Variants in BTNL8 observed in about 807,000 individuals in gnomAD.
BTNL8 encodes butyrophilin like 8.
A neutral mutation model predicts 36.1 loss-of-function variants in BTNL8; 22 were observed. The observed-to-expected ratio is 0.61, with a 90% CI of 0.44 to 0.87. The LOEUF (loss-of-function observed/expected upper bound fraction) is 0.87, where lower values mean the gene tolerates loss of function less well. BTNL8 is among the 40% of genes least tolerant of loss of function. The pLI is 0.00. For synonymous variants in BTNL8, 203 were observed against 235.6 expected (o/e 0.86, Z 1.27); for missense variants, 526 against 616.9 (o/e 0.85, Z 1.56).
chr5:180,928,655 G>A (rs540610026), intron 3 of BTNL8, among the ~76,000 whole-genome samples: 55 of 152,236 alleles, frequency 3.6e-4, no homozygotes, highest in African/African-American at 1.1e-3. Flanking sequence ...AAAAGCAGGC[G>A]TTGCAATCCT....
rs545738418 is a variant in BTNL8, at chr5:180,900,058, G to A, written c.49+699G>A. Among the ~76,000 whole-genome samples, 11 of 152,180 alleles carry A rather than the reference G, an allele frequency of 7.2e-5. No individual in the cohort carries two copies. The South Asian group carries it at 2.3e-3, about 32-fold the overall frequency. On this transcript the variant is annotated intron_variant, in intron 1 of 7. Coordinates refer to ENST00000340184, the MANE Select transcript of BTNL8 (RefSeq NM_001040462.3). ...CCACCTGTCCACCTATATCTTTTTTGCTAAATGAAGCTAAGAAAACAGAAA... is the reference window on the plus strand; with the variant it reads ...CCACCTGTCCACCTATATCTTTTTTACTAAATGAAGCTAAGAAAACAGAAA...
At chr5:180,944,394 C>T (rs777825356) in intron 3 of BTNL8, among the ~76,000 whole-genome samples, 2 of 152,116 alleles carry the variant, frequency 1.3e-5, no homozygotes, top group Non-Finnish European at 2.9e-5. Context: ...ACAATGTATA[C>T]ATGTATCACG....
At chr5:180,926,012 A>G (rs560281212) in intron 3 of BTNL8, among the ~76,000 whole-genome samples, 14 of 151,486 alleles carry the variant, frequency 9.2e-5, no homozygotes, top group Admixed American at 6.6e-5. Context: ...ACACAAAAAA[A>G]CCACAGCAGG....
rs746524916 is a variant in BTNL8, at chr5:180,911,567, G to A, written c.626G>A (p.Arg209Gln). ...ENAGSISCSMRHAHLSREVES... is the reference protein window; with the variant it reads ...ENAGSISCSMQHAHLSREVES... The stretch of plus-strand genomic sequence containing the variant: ...GCCGGGAGCATATCCTGTTCCATGC[G>A]GCATGCTCATCTGAGCCGAGAGGTG... The change falls in exon 3 of 8, where the codon CGG becomes CAG. Residue 209 changes from arginine to glutamine, a missense_variant. Transcript: ENST00000340184. The A allele has an allele frequency of 1.2e-5, 19 of 1,613,870 alleles. No homozygotes were observed. Among genetic ancestry groups the A allele is most frequent in the Admixed American group, 1.0e-4 (6 of 59,996 alleles).
intron 3 of BTNL8, among the ~76,000 whole-genome samples, chr5:180,940,504 CAAG>C (rs1758876623): frequency 6.6e-6 from 1 of 151,182 alleles, no homozygotes; most frequent in Non-Finnish European, 1.5e-5. Context: ...ACTAGAAGGG[CAAG>C]AAGAAACAAA....
At chr5:180,927,049 C>T (rs951190238) in intron 3 of BTNL8, among the ~76,000 whole-genome samples, 5 of 152,264 alleles carry the variant, frequency 3.3e-5, no homozygotes, top group East Asian at 3.9e-4. Context: ...CAGCAGGGGT[C>T]GACAGACGCC....
intron 3 of BTNL8, among the ~76,000 whole-genome samples, chr5:180,925,992 G>A (rs1038790870): frequency 7.0e-6 from 1 of 143,828 alleles, no homozygotes; most frequent in African/African-American, 2.9e-5. Flanking sequence ...TATGCCTCAT[G>A]GTAACCACAA....
intron 1 of BTNL8, among the ~76,000 whole-genome samples, chr5:180,908,170 G>C (rs1296526747): frequency 6.6e-6 from 1 of 152,188 alleles, no homozygotes; most frequent in South Asian, 2.1e-4. Context: ...GAGACTCTGT[G>C]GTCATAGGAC....
At chr5:180,901,368 G>C (rs1756816535) in intron 1 of BTNL8, among the ~76,000 whole-genome samples, 1 of 151,966 alleles carries the variant, frequency 6.6e-6, no homozygotes, top group Admixed American at 6.6e-5. Context: ...CAGTCAAAGG[G>C]GGTGGGTACT....
At chr5:180,911,997 C>T (rs1420703570) in intron 3 of BTNL8, among the ~76,000 whole-genome samples, 5 of 152,140 alleles carry the variant, frequency 3.3e-5, no homozygotes, top group African/African-American at 4.8e-5. Context: ...GAAGATTGCC[C>T]TCCATAATGC....
chr5:180,908,925 A>G lies in BTNL8; in HGVS notation c.389A>G (p.Gln130Arg). ...SYYQKAIWELQVSALGSVPLI... is the reference protein window; with the variant it reads ...SYYQKAIWELRVSALGSVPLI... ...TACCAGAAGGCCATCTGGGAGCTAC[A>G]GGTGTCAGGTCAGTTTCATATTTCA... Residue 130 changes from glutamine to arginine, a missense_variant, in exon 2 of 8, where the codon CAG becomes CGG. By Grantham distance (43) the Gln-to-Arg change is conservative. Coordinates refer to ENST00000340184, the MANE Select transcript of BTNL8 (RefSeq NM_001040462.3). 6.2e-7 allele frequency: 1 copy of G among 1,611,994 alleles called. No individual in the cohort carries two copies. Among genetic ancestry groups the G allele is most frequent in the Non-Finnish European group, 8.5e-7 (1 of 1,178,382 alleles).
intron 7 of BTNL8, 81 bp from the exon 8 acceptor site, chr5:180,949,823 A>G: frequency 1.4e-6 from 2 of 1,393,090 alleles, no homozygotes; most frequent in Non-Finnish European, 2.0e-6. Flanking sequence ...GCCAGTCTGC[A>G]GTGGGAGGGT....
chr5:180,930,165 G>A (rs1364363221), intron 3 of BTNL8, among the ~76,000 whole-genome samples: 6 of 152,102 alleles, frequency 3.9e-5, no homozygotes, highest in Admixed American at 6.5e-5. Flanking sequence ...TTCAACATAC[G>A]CAAATTAATA....
At chr5:180,918,646 A>T (rs1460184315) in intron 3 of BTNL8, among the ~76,000 whole-genome samples, 1 of 152,242 alleles carries the variant, frequency 6.6e-6, no homozygotes, top group Non-Finnish European at 1.5e-5. Flanking sequence ...CATGTGCCCA[A>T]GGTGGTTGAG....
chr5:180,911,153 C>G (rs1306263015), intron 2 of BTNL8, among the ~76,000 whole-genome samples, 186 bp from the exon 3 acceptor site: 1 of 152,164 alleles, frequency 6.6e-6, no homozygotes. Context: ...CACGCATACA[C>G]AGTAGTTGCT....
At chr5:180,914,172 G>C (rs1287564391) in intron 3 of BTNL8, among the ~76,000 whole-genome samples, 1 of 152,230 alleles carries the variant, frequency 6.6e-6, no homozygotes, top group East Asian at 1.9e-4. Context: ...AGGTGATTAA[G>C]TCCTGAGGAC....
chr5:180,941,114 A>AAGGG (rs1758919623), intron 3 of BTNL8, among the ~76,000 whole-genome samples: 3 of 79,736 alleles, frequency 3.8e-5, no homozygotes, highest in African/African-American at 7.8e-5. Context: ...GGAAGGGAGG[A>AAGGG]AGGAAGGAAG....
Position 180,949,421 on chromosome 5 carries a change from G to C in BTNL8, c.862+156G>C. The C allele has an allele frequency of 1.7e-6, 2 of 1,144,126 alleles. 1 individual carries two copies. Among genetic ancestry groups the C allele is most frequent in the Non-Finnish European group, 2.5e-6 (2 of 806,600 alleles). The allele number at this position is 1,144,126 out of a possible 1,614,324, so 70.9% of individuals were successfully genotyped here. ...ATGCTTGATCGCCCCCAAGGGTTCA[G>C]TGCCCCCAGACACACTTCTTTCCCT... On this transcript the variant is annotated intron_variant, in intron 7 of 7. Coordinates refer to ENST00000340184, the MANE Select transcript of BTNL8 (RefSeq NM_001040462.3).
intron 1 of BTNL8, among the ~76,000 whole-genome samples, chr5:180,902,186 G>T (rs1756850199): frequency 8.0e-6 from 1 of 124,386 alleles, no homozygotes; most frequent in Non-Finnish European, 1.6e-5. Flanking sequence ...GGGATGTTTG[G>T]GTTTTTTTTT....
Sources: allele counts gnomAD v4.1 joint callset (sites outside exome capture counted in the v4.1 genomes callset), GRCh38; gene constraint gnomAD v4.1.1; transcripts MANE v1.5; gene names NCBI Gene and HGNC (gene_info 2026-07-23, HGNC 2026-07-21).